ALOX5: variants seen among roughly 807,000 people sequenced by gnomAD.
The protein encoded by ALOX5 is polyunsaturated fatty acid 5-lipoxygenase.
ALOX5 carries 64 observed loss-of-function variants against 87.9 expected under a neutral mutation model. The observed-to-expected ratio is 0.73, with a 90% CI of 0.60 to 0.90. The LOEUF is 0.90. Ranked by LOEUF, ALOX5 falls within the 40% of genes least tolerant of loss-of-function variation. The pLI is 0.00. For synonymous variants in ALOX5, 388 were observed against 355.1 expected (o/e 1.09, Z -1.04); for missense variants, 822 against 907.5 (o/e 0.91, Z 1.21).
intron 4 of ALOX5, among the ~76,000 whole-genome samples, chr10:45,422,990 G>C (rs141839841): frequency 6.6e-6 from 1 of 152,134 alleles, no homozygotes; most frequent in Non-Finnish European, 1.5e-5. Context: ...CTCTTCTTAC[G>C]AGGATGCTAA....
At chr10:45,404,957 C>T (rs1840824971) in intron 3 of ALOX5, among the ~76,000 whole-genome samples, 1 of 152,200 alleles carries the variant, frequency 6.6e-6, no homozygotes, top group Non-Finnish European at 1.5e-5. Flanking sequence ...TTCATTCTTG[C>T]GTGTGAAATA....
At chr10:45,387,201 TC>T (rs1840039608) in intron 2 of ALOX5, among the ~76,000 whole-genome samples, 1 of 152,112 alleles carries the variant, frequency 6.6e-6, no homozygotes. Flanking sequence ...AGAGCCCAAG[TC>T]CAAGCACATG....
At chr10:45,396,248 CT>C (rs1286721269) in intron 3 of ALOX5, among the ~76,000 whole-genome samples, 9 of 152,144 alleles carry the variant, frequency 5.9e-5, no homozygotes, top group Non-Finnish European at 1.3e-4. Context: ...CTTATGTCTT[CT>C]TATAACAATT....
At chr10:45,440,048 A>G (rs1002429727) in intron 7 of ALOX5, among the ~76,000 whole-genome samples, 1 of 152,202 alleles carries the variant, frequency 6.6e-6, no homozygotes, top group African/African-American at 2.4e-5. Context: ...GAGAGGCAGT[A>G]GAAGAGGGAG....
intron 3 of ALOX5, 148 bp from the exon 4 acceptor site, chr10:45,412,043 C>CACAG: frequency 1.7e-6 from 2 of 1,199,654 alleles, no homozygotes; most frequent in Non-Finnish European, 2.3e-6. Context: ...CCTTACTGGA[C>CACAG]ACAGGGTCAG....
rs563175380 is a variant in ALOX5 at position 45,434,546 on chromosome 10, G to A, written c.981+5782G>A. Among the ~76,000 whole-genome samples, 4 of 152,364 alleles carry A rather than the reference G, an allele frequency of 2.6e-5. No homozygotes were observed. In the South Asian group the frequency reaches 8.3e-4, roughly 32 times the overall value. ...GCTGACCTGGAGGGGTCTCCACAATGAGTTAACAGTGGAAAAACAAGACAC... is the reference window on the plus strand; with the variant it reads ...GCTGACCTGGAGGGGTCTCCACAATAAGTTAACAGTGGAAAAACAAGACAC... On this transcript the variant is annotated intron_variant, in intron 7 of 13. Coordinates refer to ENST00000374391, the MANE Select transcript of ALOX5 (RefSeq NM_000698.5).
intron 1 of ALOX5, among the ~76,000 whole-genome samples, chr10:45,377,568 C>T (rs888566415): frequency 1.3e-5 from 2 of 152,114 alleles, no homozygotes; most frequent in South Asian, 2.1e-4. Flanking sequence ...ACCCCAATCC[C>T]TCTCTCCGTC....
chr10:45,417,181 G>A (rs1841325598), intron 4 of ALOX5, among the ~76,000 whole-genome samples: 1 of 151,998 alleles, frequency 6.6e-6, no homozygotes, highest in South Asian at 2.1e-4. Context: ...AGGGTTTAAT[G>A]AGCACCTATC....
intron 1 of ALOX5, among the ~76,000 whole-genome samples, chr10:45,375,439 G>A (rs577858947): frequency 6.6e-6 from 1 of 152,308 alleles, no homozygotes; most frequent in African/African-American, 2.4e-5. Flanking sequence ...CAGGTGCGCA[G>A]GGAATATCAG....
In ALOX5 at chr10:45,442,323, C is replaced by T. The variant is rs536492976; in HGVS notation, c.1273-715C>T. On this transcript the variant is annotated intron_variant, in intron 9 of 13. Coordinates refer to ENST00000374391, the MANE Select transcript of ALOX5 (RefSeq NM_000698.5). Reference sequence around the variant, plus strand: ...AGGTTCTCATGTGGCCATTATCTCCCAGCCGCATCTAAACAGAAAGTGCTG... The same window carrying T: ...AGGTTCTCATGTGGCCATTATCTCCTAGCCGCATCTAAACAGAAAGTGCTG... Among the ~76,000 whole-genome samples, 8 of 152,328 alleles carry T rather than the reference C, an allele frequency of 5.3e-5. No homozygotes were observed. The East Asian group carries it at 1.5e-3, about 29-fold the overall frequency.
At chr10:45,433,398 G>A (rs1432719286) in intron 7 of ALOX5, among the ~76,000 whole-genome samples, 2 of 152,198 alleles carry the variant, frequency 1.3e-5, no homozygotes, top group Admixed American at 6.5e-5. Flanking sequence ...TTGTGTTACC[G>A]AGCTGGACTG....
At chr10:45,414,827 T>G (rs2132769215) in intron 4 of ALOX5, among the ~76,000 whole-genome samples, 2 of 152,300 alleles carry the variant, frequency 1.3e-5, no homozygotes, top group Middle Eastern at 3.4e-3. Context: ...AATAGACACA[T>G]GAAGAAATGC....
chr10:45,401,960 G>A (rs548611306), intron 3 of ALOX5, among the ~76,000 whole-genome samples: 61 of 151,904 alleles, frequency 4.0e-4, no homozygotes, highest in South Asian at 1.7e-3. Context: ...GGTGGCGGGC[G>A]CCTGTAGTCC....
At chr10:45,392,952 C>A (rs1166588134) in intron 2 of ALOX5, among the ~76,000 whole-genome samples, 1 of 152,118 alleles carries the variant, frequency 6.6e-6, no homozygotes, top group Non-Finnish European at 1.5e-5. Context: ...GAAATTGAGG[C>A]AATAATTAAC....
chr10:45,398,538 A>T (rs1158593789), intron 3 of ALOX5, among the ~76,000 whole-genome samples: 2 of 152,254 alleles, frequency 1.3e-5, no homozygotes, highest in Non-Finnish European at 2.9e-5. Flanking sequence ...TTTATGTTTC[A>T]AAGGACACCA....
Position 45,443,768 on chromosome 10 carries a change from G to A in ALOX5, c.1614G>A (p.Glu538=). 1.2e-6 allele frequency: 2 copies of A among 1,612,458 alleles called. No individual in the cohort carries two copies. The highest frequency in any genetic ancestry group is 2.2e-5 in the East Asian group (1 of 44,794). ...TCAAGAGCCGGGAGCAGCTGTCGGA[G>A]TACCTGACCGTGGTGATCTTCACCG... The part of the protein sequence containing the change: ...KSVKSREQLS[E]YLTVVIFTAS... Residue 538 remains glutamate, a synonymous_variant, in exon 12 of 14, where the codon GAG becomes GAA. Coordinates refer to ENST00000374391, the MANE Select transcript of ALOX5 (RefSeq NM_000698.5).
intron 7 of ALOX5, among the ~76,000 whole-genome samples, chr10:45,429,518 A>G (rs908270332): frequency 6.6e-5 from 10 of 152,228 alleles, no homozygotes; most frequent in African/African-American, 2.4e-4. Flanking sequence ...ACAGTCCGCA[A>G]TCCCTTACCC....
rs1205755793 is a variant in ALOX5, at chr10:45,391,956, C to T, written c.350-3899C>T. ...CCGTCTGGGAAGTGAGGAGCGTCTC[C>T]GCCCGGCAGCCACCCTGTCCGGGAG... On this transcript the variant is annotated intron_variant, in intron 2 of 13. Transcript: ENST00000374391. Among the ~76,000 whole-genome samples the T allele has an allele frequency of 6.6e-5, 10 of 150,768 alleles. No homozygotes were observed. The East Asian group carries it at 9.9e-4, about 15-fold the overall frequency.
At chr10:45,387,378 T>G (rs1840045811) in intron 2 of ALOX5, among the ~76,000 whole-genome samples, 1 of 152,216 alleles carries the variant, frequency 6.6e-6, no homozygotes, top group Non-Finnish European at 1.5e-5. Context: ...ACTGCTGCTC[T>G]CACAGGCAAC....
Sources: gnomAD v4.1 joint callset for allele counts (sites outside exome capture counted in the v4.1 genomes callset) on GRCh38, gnomAD v4.1.1 for gene constraint, MANE v1.5 for transcripts, NCBI Gene and HGNC (gene_info 2026-07-23, HGNC 2026-07-21) for gene names.